Variants in COLEC11 observed in about 807,000 individuals in gnomAD.
COLEC11 encodes collectin subfamily member 11, also known as collectin-11.
COLEC11 carries 20 observed loss-of-function variants against 27.3 expected under a neutral mutation model. That is an observed-to-expected ratio of 0.73 (90% CI 0.51 to 1.06). The LOEUF (loss-of-function observed/expected upper bound fraction) is 1.06. Ranked by LOEUF, COLEC11 falls within the 50% of genes least tolerant of loss-of-function variation. COLEC11 has a pLI of 0.00. For synonymous variants in COLEC11, 163 were observed against 154.7 expected, an observed-to-expected ratio of 1.05 and a Z score of -0.40; for missense variants, 310 against 383.0, an observed-to-expected ratio of 0.81 and a Z score of 1.59.
intron 1 of COLEC11, among the ~76,000 whole-genome samples, chr2:3,601,139 C>A (rs1662188117): frequency 6.6e-6 from 1 of 152,178 alleles, no homozygotes; most frequent in Non-Finnish European, 1.5e-5. Context: ...TTTTCCACCA[C>A]CCTTCCCACA....
At chr2:3,612,173 C>A (rs1663246460) in intron 2 of COLEC11, among the ~76,000 whole-genome samples, 1 of 152,056 alleles carries the variant, frequency 6.6e-6, no homozygotes. Flanking sequence ...CATATCAGCG[C>A]ACACACGCGC....
chr2:3,620,633 T>C (rs912591919), intron 3 of COLEC11, among the ~76,000 whole-genome samples: 2 of 152,216 alleles, frequency 1.3e-5, no homozygotes, highest in African/African-American at 4.8e-5. Context: ...GGTGTAAAGT[T>C]AGATTGTTTA....
chr2:3,623,175 T>G (rs895235975), intron 3 of COLEC11, among the ~76,000 whole-genome samples: 19 of 152,242 alleles, frequency 1.2e-4, no homozygotes, highest in African/African-American at 4.6e-4. Flanking sequence ...GAGGGTTCTC[T>G]TGGATGTGAT....
chr2:3,619,362 A>C (rs1664016210), intron 3 of COLEC11, among the ~76,000 whole-genome samples: 1 of 152,136 alleles, frequency 6.6e-6, no homozygotes, highest in Non-Finnish European at 1.5e-5. Flanking sequence ...TTTTAGAGTA[A>C]AGCTTTCAGC....
At chr2:3,615,402 T>C (rs1663591140) in intron 3 of COLEC11, among the ~76,000 whole-genome samples, 2 of 152,204 alleles carry the variant, frequency 1.3e-5, no homozygotes, top group Admixed American at 1.3e-4. Context: ...CCGCCCTTAA[T>C]CCATTTAACC....
chr2:3,631,377 A>G (rs576913955), intron 3 of COLEC11, among the ~76,000 whole-genome samples: 2 of 152,290 alleles, frequency 1.3e-5, no homozygotes, highest in East Asian at 3.9e-4. Context: ...CTCTTTGTGG[A>G]GGGCCAAAGA....
intron 2 of COLEC11, among the ~76,000 whole-genome samples, chr2:3,607,092 C>G (rs1009187151): frequency 6.6e-6 from 1 of 152,150 alleles, no homozygotes; most frequent in Non-Finnish European, 1.5e-5. Context: ...CCCCACAACC[C>G]CCTGTGTTTT....
At chr2:3,612,172 G>A (rs933203095) in intron 2 of COLEC11, among the ~76,000 whole-genome samples, 8 of 152,096 alleles carry the variant, frequency 5.3e-5, no homozygotes, top group Non-Finnish European at 1.0e-4. Flanking sequence ...GCATATCAGC[G>A]CACACACGCG....
At chr2:3,635,443 C>T (rs192121146) in intron 3 of COLEC11, among the ~76,000 whole-genome samples, 1 of 152,302 alleles carries the variant, frequency 6.6e-6, no homozygotes, top group Admixed American at 6.5e-5. Flanking sequence ...CTGATCTCGC[C>T]GCCCTCTTCG....
At position 3,606,319 on chromosome 2, in the gene COLEC11, G is replaced by A. The variant is rs544328156; in HGVS notation, c.130+1849G>A. 6.2e-6 allele frequency: 8 copies of A among 1,280,704 alleles called. No individual in the cohort carries two copies. The East Asian group carries it at 7.6e-5, about 12-fold the overall frequency. The allele number at this position is 1,280,704 out of a possible 1,614,324, so 79.3% of individuals were successfully genotyped here. A position where few individuals can be genotyped will look rare whatever the true frequency, so the allele number is the denominator to read the frequency against. ...CTGGGCGCCGCCTTTCCCAGGTGCT[G>A]TTGGGAGGGTCCTTCCCAGCTGTCC... is the stretch of plus-strand genomic sequence containing the variant. On this transcript the variant is annotated intron_variant, in intron 2 of 6. Transcript: ENST00000349077.
intron 3 of COLEC11, among the ~76,000 whole-genome samples, chr2:3,626,890 G>T (rs913627559): frequency 7.2e-5 from 11 of 152,252 alleles, no homozygotes; most frequent in Non-Finnish European, 1.0e-4. Context: ...GCCCCAGGGG[G>T]CGCAGATGGG....
At chr2:3,607,449 C>CTTTT (rs377560723) in intron 2 of COLEC11, among the ~76,000 whole-genome samples, 3 of 109,170 alleles carry the variant, frequency 2.7e-5, no homozygotes, top group Admixed American at 1.2e-4. Flanking sequence ...TTTTTTTTTG[C>CTTTT]TTTTTTTTTT....
At chr2:3,642,698 G>C (rs1665959381) in intron 5 of COLEC11, among the ~76,000 whole-genome samples, 1 of 152,208 alleles carries the variant, frequency 6.6e-6, no homozygotes, top group African/African-American at 2.4e-5. Flanking sequence ...AGCTGGGACA[G>C]CCCTTGATCG....
At chr2:3,600,641 TC>T (rs2147845425) in intron 1 of COLEC11, among the ~76,000 whole-genome samples, 1 of 152,282 alleles carries the variant, frequency 6.6e-6, no homozygotes, top group Non-Finnish European at 1.5e-5. Context: ...CAGGATGGCG[TC>T]CCCCAGGGGA....
At chr2:3,633,647 G>A (rs1025848463) in intron 3 of COLEC11, among the ~76,000 whole-genome samples, 5 of 152,312 alleles carry the variant, frequency 3.3e-5, no homozygotes, top group African/African-American at 1.2e-4. Context: ...GGGGAGCGGC[G>A]TGAAGACGTG....
At chr2:3,599,061 G>T (rs1662048994) in intron 1 of COLEC11, among the ~76,000 whole-genome samples, 1 of 150,458 alleles carries the variant, frequency 6.6e-6, no homozygotes, top group African/African-American at 2.5e-5. Flanking sequence ...AGAGGAAACA[G>T]CCAACAGTGC....
At position 3,603,744 on chromosome 2, in the gene COLEC11, G is replaced by A. The variant is rs565176352; in HGVS notation, c.-26-571G>A. 64 of 1,412,018 alleles carry A rather than the reference G, an allele frequency of 4.5e-5. No individual in the cohort carries two copies. The African/African-American group carries it at 7.3e-4, about 16-fold the overall frequency. 87.5% of individuals were successfully genotyped at this position (1,412,018 alleles called of 1,614,324 possible). A position where few individuals can be genotyped will look rare whatever the true frequency, so the allele number is the denominator to read the frequency against. On this transcript the variant is annotated intron_variant, in intron 1 of 6. Transcript: ENST00000349077. ...ATGGGCTCGGCCCCCACCTCCCCAG[G>A]CCCCTGGGTTCCTAAGGCCGGGGCT... is the stretch of plus-strand genomic sequence containing the variant.
intron 1 of COLEC11, chr2:3,603,764 G>T: frequency 8.5e-7 from 1 of 1,170,584 alleles, no homozygotes; most frequent in Non-Finnish European, 1.2e-6. Flanking sequence ...TCCTAAGGCC[G>T]GGGCTCCTCT....
intron 1 of COLEC11, among the ~76,000 whole-genome samples, chr2:3,597,742 C>A (rs1327323178): frequency 6.6e-6 from 1 of 151,430 alleles, no homozygotes; most frequent in African/African-American, 2.4e-5. Context: ...GACTTGCGTA[C>A]TGAGTGGGTG....
Sources: gnomAD v4.1 joint callset for allele counts (sites outside exome capture counted in the v4.1 genomes callset) on GRCh38, gnomAD v4.1.1 for gene constraint, MANE v1.5 for transcripts, NCBI Gene and HGNC (gene_info 2026-07-23, HGNC 2026-07-21) for gene names.